Variants in KIF2C observed in about 807,000 individuals in gnomAD.
The protein encoded by KIF2C is kinesin-like protein KIF2C.
KIF2C carries 34 observed loss-of-function variants against 97.4 expected under a neutral mutation model. The observed-to-expected ratio is 0.35, with a 90% confidence interval of 0.27 to 0.46. The LOEUF (loss-of-function observed/expected upper bound fraction) is 0.46. Ranked by LOEUF, KIF2C falls within the 20% of genes least tolerant of loss-of-function variation. KIF2C has a pLI of 1.00. For missense variants in KIF2C, 750 were observed against 907.6 expected (o/e 0.83, Z 2.23); for synonymous variants, 313 against 318.2 (o/e 0.98, Z 0.17).
At chr1:44,767,000 T>C in intron 20 of KIF2C, 51 bp downstream of exon 20, 1 of 1,612,408 alleles carries the variant, frequency 6.2e-7, no homozygotes, top group Non-Finnish European at 8.5e-7. Context: ...CTCTGCTGGC[T>C]CTTGGGCAGC....
Position 44,760,758 on chromosome 1 carries a change from C to G in KIF2C, c.1683+56C>G. On this transcript the variant is annotated intron_variant, in intron 16 of 20. Transcript: ENST00000372224. The surrounding 1 kb of genome is among the most constrained non-coding windows in gnomAD (Gnocchi z 4.2). ...CAGGAGGAGACAGAGTTGCTTTCCA[C>G]AGAGACACTTAGTCCTGTCCCTGGG... 1 of 1,402,270 alleles carries G rather than the reference C, an allele frequency of 7.1e-7. No homozygotes were observed. The highest frequency in any genetic ancestry group is 1.7e-5 in the Admixed American group (1 of 57,506). 86.9% of individuals were successfully genotyped at this position (1,402,270 alleles called of 1,614,324 possible).
At chr1:44,749,731 G>A (rs557155323) in intron 4 of KIF2C, among the ~76,000 whole-genome samples, 2 of 152,178 alleles carry the variant, frequency 1.3e-5, no homozygotes, top group African/African-American at 4.8e-5. Flanking sequence ...GTTGCAGTGA[G>A]CCAAGATCAT....
At chr1:44,744,036 C>T (rs972326549) in intron 2 of KIF2C, among the ~76,000 whole-genome samples, 2 of 151,316 alleles carry the variant, frequency 1.3e-5, no homozygotes, top group Middle Eastern at 3.2e-3. Flanking sequence ...GGAATAAGAT[C>T]CGAACTTCTT....
intron 19 of KIF2C, among the ~76,000 whole-genome samples, chr1:44,764,129 C>T (rs1339945463): frequency 1.3e-5 from 2 of 152,056 alleles, no homozygotes; most frequent in African/African-American, 4.8e-5. Flanking sequence ...TTTAGATATA[C>T]AAGCATGAAA....
intron 20 of KIF2C, 34 bp from the exon 21 acceptor site, chr1:44,767,063 C>T: frequency 6.2e-7 from 1 of 1,610,210 alleles, no homozygotes; most frequent in Non-Finnish European, 8.5e-7. Context: ...CAGACTCTCA[C>T]TAACCCCATA....
intron 19 of KIF2C, among the ~76,000 whole-genome samples, chr1:44,764,076 C>T (rs76977077): frequency 0.028 from 4,294 of 152,092 alleles, 320 homozygotes; most frequent in East Asian, 0.23. Context: ...AAACTGTGTC[C>T]GTGTTCATGG....
intron 10 of KIF2C, among the ~76,000 whole-genome samples, chr1:44,757,272 C>T (rs948701763): frequency 6.6e-6 from 1 of 152,156 alleles, no homozygotes; most frequent in Admixed American, 6.5e-5. Context: ...TATGCTGTGT[C>T]TCCAGGGTCA....
chr1:44,757,802 T>G, intron 11 of KIF2C, 106 bp from the exon 12 acceptor site: 1 of 1,271,508 alleles, frequency 7.9e-7, no homozygotes, highest in Non-Finnish European at 1.1e-6. Flanking sequence ...GGGCTTTAGG[T>G]CCAGCCTTCT....
intron 19 of KIF2C, among the ~76,000 whole-genome samples, chr1:44,765,042 C>T (rs555717696): frequency 6.6e-6 from 1 of 152,082 alleles, no homozygotes; most frequent in Non-Finnish European, 1.5e-5. Flanking sequence ...ATCACTTGAG[C>T]CCAGGAGGCG....
chr1:44,749,958 T>C (rs1649418778), intron 4 of KIF2C, among the ~76,000 whole-genome samples: 1 of 151,030 alleles, frequency 6.6e-6, no homozygotes, highest in African/African-American at 2.4e-5. Flanking sequence ...GGTGCACACC[T>C]GTAGTTCCAG....
intron 19 of KIF2C, 100 bp downstream of exon 19, chr1:44,762,758 T>A: frequency 1.3e-6 from 1 of 754,568 alleles, no homozygotes; most frequent in South Asian, 1.5e-5. Context: ...CCCACAGGTA[T>A]TCACATAGCA....
Position 44,756,058 on chromosome 1 carries a change from A to C in KIF2C, c.815-17A>C. 6.2e-7 allele frequency: 1 copy of C among 1,614,128 alleles called. No homozygotes were observed. The highest frequency in any genetic ancestry group is 8.5e-7 in the Non-Finnish European group (1 of 1,180,020). On this transcript the variant is annotated splice_polypyrimidine_tract_variant and intron_variant, in intron 9 of 20. Coordinates refer to ENST00000372224, the MANE Select transcript of KIF2C (RefSeq NM_006845.4). Reference sequence around the variant, plus strand: ...CTGTTTCCAGGGAGCACCCCCTGAAATACTCTCCTTCTGCAGAATTGGCCA... The same window carrying C: ...CTGTTTCCAGGGAGCACCCCCTGAACTACTCTCCTTCTGCAGAATTGGCCA...
At chr1:44,752,364 G>A (rs946890639) in intron 5 of KIF2C, among the ~76,000 whole-genome samples, 13 of 151,466 alleles carry the variant, frequency 8.6e-5, no homozygotes, top group African/African-American at 2.9e-4. Flanking sequence ...TCGATCTCCT[G>A]ACTTCGTGAT....
chr1:44,759,291 A>T lies in KIF2C; in HGVS notation c.1310A>T (p.His437Leu). The change falls in exon 14 of 21, where the codon CAT becomes CTT. Residue 437 changes from histidine to leucine, a missense_variant. Physicochemically the swap from His to Leu is moderately conservative, Grantham distance 99 (BLOSUM62 -3). Transcript: ENST00000372224. ...QQVQVVGLQEHLVNSADDVIK... is the reference protein window; with the variant it reads ...QQVQVVGLQELLVNSADDVIK... ...GTGCAAGTGGTGGGGCTGCAGGAGC[A>T]TCTGGTTAACTCTGCTGATGATGTC... The T allele has an allele frequency of 6.2e-7, 1 of 1,614,204 alleles. No individual in the cohort carries two copies. Among genetic ancestry groups the T allele is most frequent in the Non-Finnish European group, 8.5e-7 (1 of 1,180,038 alleles).
chr1:44,751,861 G>T (rs1484284825), intron 5 of KIF2C, among the ~76,000 whole-genome samples: 1 of 115,540 alleles, frequency 8.7e-6, no homozygotes, highest in Non-Finnish European at 1.6e-5. Flanking sequence ...TCGCTGTGTC[G>T]CCCAGGCTGG....
intron 8 of KIF2C, among the ~76,000 whole-genome samples, chr1:44,755,680 A>G (rs1232425086): frequency 6.6e-6 from 1 of 152,252 alleles, no homozygotes; most frequent in Non-Finnish European, 1.5e-5. Context: ...AGATTCCTGC[A>G]TTAGTAAAAA....
At chr1:44,750,767 A>G (rs1649468786) in intron 5 of KIF2C, among the ~76,000 whole-genome samples, 1 of 152,236 alleles carries the variant, frequency 6.6e-6, no homozygotes, top group African/African-American at 2.4e-5. Context: ...ACATAAACAC[A>G]GACATGAACA....
At chr1:44,762,005 T>C (rs1650169162) in intron 17 of KIF2C, 22 bp downstream of exon 17, 1 of 1,606,874 alleles carries the variant, frequency 6.2e-7, no homozygotes, top group Middle Eastern at 1.7e-4. Flanking sequence ...TACAGCTAGG[T>C]GGGATGCGGA....
intron 11 of KIF2C, 128 bp downstream of exon 11, chr1:44,757,774 C>A: frequency 8.9e-7 from 1 of 1,119,228 alleles, no homozygotes; most frequent in Non-Finnish European, 1.4e-6. Context: ...ATAGCCTTGC[C>A]ATGTCAGATG....
Sources: allele counts gnomAD v4.1 joint callset (sites outside exome capture counted in the v4.1 genomes callset), GRCh38; gene constraint gnomAD v4.1.1; non-coding constraint Gnocchi (gnomAD v3.1); transcripts MANE v1.5; gene names NCBI Gene and HGNC (gene_info 2026-07-23, HGNC 2026-07-21).